Variants in FLI1 observed in about 807,000 individuals in gnomAD.
FLI1 encodes Fli-1 proto-oncogene, ETS transcription factor, also known as Friend leukemia integration 1 transcription factor.
Under a neutral mutation model 53.1 loss-of-function variants are expected in FLI1, and 13 were observed. The observed-to-expected ratio is 0.24, with a 90% CI of 0.16 to 0.39. The LOEUF (loss-of-function observed/expected upper bound fraction) is 0.39. Among genes scored for constraint, FLI1 ranks in the 10% least tolerant of loss-of-function variants. The pLI is 1.00. For missense variants in FLI1, 424 were observed against 600.5 expected (o/e 0.71, Z 3.07); for synonymous variants, 244 against 236.7 (o/e 1.03, Z -0.28).
chr11:128,795,525 G>GATACTAACT (rs1289658971), intron 5 of FLI1, among the ~76,000 whole-genome samples: 2 of 151,416 alleles, frequency 1.3e-5, no homozygotes, highest in Non-Finnish European at 2.9e-5. Context: ...GTATCAGCTA[G>GATACTAACT]AGTTCTGTAG....
chr11:128,805,518 G>T, intron 6 of FLI1, 87 bp downstream of exon 6: 2 of 816,496 alleles, frequency 2.4e-6, no homozygotes, highest in South Asian at 1.7e-5. Context: ...CAGGAGAGCA[G>T]CAAGCATTTG....
intron 5 of FLI1, 66 bp downstream of exon 5, chr11:128,782,089 T>C: frequency 7.6e-7 from 1 of 1,317,224 alleles, no homozygotes; most frequent in African/African-American, 1.5e-5. Context: ...GCCCATGCTG[T>C]TAAGGTTGTT....
At chr11:128,806,439 T>G (rs984951212) in intron 6 of FLI1, 4 of 152,206 alleles carry the variant, frequency 2.6e-5, no homozygotes, top group Non-Finnish European at 5.9e-5. Context: ...TGACAGTCAG[T>G]GAGGACCTCA....
upstream of FLI1, among the ~76,000 whole-genome samples, chr11:128,689,229 G>C (rs1260488564): frequency 1.3e-5 from 2 of 152,202 alleles, no homozygotes; most frequent in African/African-American, 4.8e-5. Context: ...GTTTAAGGAT[G>C]GAGGCGTGGA....
At chr11:128,768,638 A>G (rs544249915) in intron 3 of FLI1, 1 of 220,944 alleles carries the variant, frequency 4.5e-6, no homozygotes, top group East Asian at 1.1e-4. Context: ...GCAGGGAGCC[A>G]AGATCACACC....
chr11:128,695,513 G>A (rs1366023158), intron 1 of FLI1, among the ~76,000 whole-genome samples: 1 of 152,214 alleles, frequency 6.6e-6, no homozygotes, highest in Admixed American at 6.5e-5. Context: ...TAAGATGTTG[G>A]GCTCAGAGAA....
intron 5 of FLI1, among the ~76,000 whole-genome samples, chr11:128,788,961 C>T (rs1251984518): frequency 6.6e-6 from 1 of 152,152 alleles, no homozygotes; most frequent in East Asian, 1.9e-4. Context: ...AACTACTGTG[C>T]TTTAGAGTGA....
intron 5 of FLI1, among the ~76,000 whole-genome samples, chr11:128,795,048 C>T (rs1031682726): frequency 6.6e-6 from 1 of 152,180 alleles, no homozygotes; most frequent in Admixed American, 6.5e-5. Context: ...TTCACTCCAG[C>T]CTGAGCGACA....
intron 1 of FLI1, among the ~76,000 whole-genome samples, chr11:128,718,436 A>T (rs1222058015): frequency 7.0e-6 from 1 of 142,722 alleles, no homozygotes; most frequent in Non-Finnish European, 1.5e-5. Flanking sequence ...TCTCCCCAAC[A>T]TTCAGAGGCT....
In FLI1 at chr11:128,694,230, T is replaced by C. The variant is rs376557878; in HGVS notation, c.-29T>C. The C allele has an allele frequency of 1.1e-5, 16 of 1,508,532 alleles. No individual in the cohort carries two copies. Among genetic ancestry groups the C allele is most frequent in the Middle Eastern group, 1.8e-4 (1 of 5,678 alleles). The allele number at this position is 1,508,532 out of a possible 1,614,324, so 93.4% of individuals were successfully genotyped here. ...TGTAACCGGGTCAATGTGTGGAATA[T>C]TGGGGGGCTCGGCTGCAGACTTGGC... On this transcript the variant is annotated 5_prime_UTR_variant, in exon 1 of 9. Coordinates refer to ENST00000527786, the MANE Select transcript of FLI1 (RefSeq NM_002017.5).
chr11:128,774,603 C>G (rs1185458507), intron 4 of FLI1, among the ~76,000 whole-genome samples: 1 of 152,186 alleles, frequency 6.6e-6, no homozygotes, highest in Non-Finnish European at 1.5e-5. Flanking sequence ...ACCCTAAGCC[C>G]TTTCCTTCAT....
intron 4 of FLI1, among the ~76,000 whole-genome samples, chr11:128,777,513 G>A (rs1002248566): frequency 4.6e-5 from 7 of 152,186 alleles, no homozygotes; most frequent in African/African-American, 1.7e-4. Flanking sequence ...GCCTCAGATG[G>A]TCGGGCAGAG....
chr11:128,793,757 G>A (rs956209950), intron 5 of FLI1, among the ~76,000 whole-genome samples: 1 of 152,214 alleles, frequency 6.6e-6, no homozygotes, highest in African/African-American at 2.4e-5. Context: ...TAATGATGGT[G>A]ACAATGAATG....
chr11:128,709,653 G>T (rs1016018808), intron 1 of FLI1, among the ~76,000 whole-genome samples: 1 of 152,206 alleles, frequency 6.6e-6, no homozygotes, highest in African/African-American at 2.4e-5. Context: ...AAAGAGAGTT[G>T]TGTCAAACAG....
At chr11:128,805,305 C>T (rs936139246) in intron 5 of FLI1, 61 bp from the exon 6 acceptor site, 4 of 974,922 alleles carry the variant, frequency 4.1e-6, no homozygotes, top group Non-Finnish European at 3.2e-6. Context: ...AGATAATGCT[C>T]ATGCAACTTT....
chr11:128,778,169 T>C (rs1256387719), intron 4 of FLI1, among the ~76,000 whole-genome samples: 1 of 152,144 alleles, frequency 6.6e-6, no homozygotes, highest in African/African-American at 2.4e-5. Context: ...TACAAACACA[T>C]ATACAGAAAC....
At chr11:128,764,743 A>G in intron 2 of FLI1, 1 of 1,581,438 alleles carries the variant, frequency 6.3e-7, no homozygotes, top group East Asian at 2.3e-5. Context: ...GGCCGCACGC[A>G]GGGCTTGCGC....
chr11:128,748,669 C>A (rs763109450), intron 1 of FLI1, among the ~76,000 whole-genome samples: 2 of 151,976 alleles, frequency 1.3e-5, no homozygotes, highest in Non-Finnish European at 2.9e-5. Flanking sequence ...AAAAGTCAGC[C>A]GGACACTCTG....
chr11:128,701,414 C>T (rs990427562), intron 1 of FLI1, among the ~76,000 whole-genome samples: 1 of 152,140 alleles, frequency 6.6e-6, no homozygotes, highest in Non-Finnish European at 1.5e-5. Flanking sequence ...TTGGCTGGGC[C>T]GCTGGTCTCA....
Sources: allele counts gnomAD v4.1 joint callset (sites outside exome capture counted in the v4.1 genomes callset), GRCh38; gene constraint gnomAD v4.1.1; transcripts MANE v1.5; gene names NCBI Gene and HGNC (gene_info 2026-07-23, HGNC 2026-07-21).